The following ZMYND8 variants were observed in gnomAD, a reference collection of about 807,000 sequenced individuals.
ZMYND8 encodes zinc finger MYND-type containing 8.
Under a neutral mutation model 140.8 loss-of-function variants are expected in ZMYND8, and 37 were observed. The ratio of observed to expected loss-of-function variants is 0.26; its 90% CI spans 0.20 to 0.35. ZMYND8 has a LOEUF of 0.35. Among genes scored for constraint, ZMYND8 ranks in the 10% least tolerant of loss-of-function variants. The pLI is 1.00. For synonymous variants in ZMYND8, 592 were observed against 597.1 expected, an observed-to-expected ratio of 0.99 and a Z score of 0.12; for missense variants, 1,068 against 1,570.0, an observed-to-expected ratio of 0.68 and a Z score of 5.40.
intron 1 of ZMYND8, chr20:47,356,429 A>T (rs1420105502): frequency 6.5e-7 from 1 of 1,539,174 alleles, no homozygotes; most frequent in African/African-American, 1.4e-5. Flanking sequence ...TGGTGGAAGG[A>T]AAGGTGTGCC....
intron 11 of ZMYND8, among the ~76,000 whole-genome samples, chr20:47,273,680 T>C (rs2076092817): frequency 6.6e-6 from 1 of 152,226 alleles, no homozygotes; most frequent in African/African-American, 2.4e-5. Flanking sequence ...TTGTCCAGGC[T>C]GGAGTGCAGT....
At chr20:47,345,799 G>C (rs936492724) in intron 2 of ZMYND8, among the ~76,000 whole-genome samples, 1 of 136,996 alleles carries the variant, frequency 7.3e-6, no homozygotes, top group African/African-American at 2.7e-5. Flanking sequence ...GTGAGCCAAC[G>C]CACTCTGTCC....
chr20:47,325,449 A>G (rs1192168217), intron 2 of ZMYND8, among the ~76,000 whole-genome samples: 1 of 152,178 alleles, frequency 6.6e-6, no homozygotes, highest in African/African-American at 2.4e-5. Context: ...AGCAAACTCC[A>G]GTTTTTCTTC....
At chr20:47,272,073 A>G (rs1174941352) in intron 11 of ZMYND8, among the ~76,000 whole-genome samples, 2 of 150,158 alleles carry the variant, frequency 1.3e-5, no homozygotes, top group Non-Finnish European at 3.0e-5. Flanking sequence ...GGGGAGTAAT[A>G]TGAAACCTCT....
intron 3 of ZMYND8, among the ~76,000 whole-genome samples, chr20:47,301,719 G>A (rs1391203695): frequency 1.3e-5 from 2 of 152,002 alleles, no homozygotes; most frequent in East Asian, 3.9e-4. Flanking sequence ...GTGATCTCTT[G>A]TGATGAGTCA....
At chr20:47,219,143 C>T (rs1430178709) in intron 21 of ZMYND8, among the ~76,000 whole-genome samples, 5 of 149,472 alleles carry the variant, frequency 3.3e-5, no homozygotes, top group African/African-American at 9.8e-5. Flanking sequence ...CTGCAACCTC[C>T]ACCTCCTGGG....
At chr20:47,299,014 C>T in intron 3 of ZMYND8, 67 bp from the exon 4 acceptor site, 5 of 1,434,710 alleles carry the variant, frequency 3.5e-6, no homozygotes, top group Non-Finnish European at 3.9e-6. Context: ...GGAATTTGAA[C>T]AAGTACATCA....
At chr20:47,319,267 C>T (rs1406571979) in intron 2 of ZMYND8, 2 of 350,332 alleles carry the variant, frequency 5.7e-6, no homozygotes, top group African/African-American at 4.3e-5. Flanking sequence ...CTCGGCTGAG[C>T]TGAAAGTCTC....
rs576833928 is a variant in ZMYND8, at chr20:47,236,477, G to C, written c.2705C>G (p.Ser902Cys). 1.2e-5 allele frequency: 20 copies of C among 1,606,602 alleles called. No homozygotes were observed. The South Asian group carries it at 1.9e-4, about 15-fold the overall frequency. ...TGTGCTGGTCACCAGGGTGATGGTG[G>C]ACGTGGATGGGCTCTGTGTGATCTC... Reference protein sequence around the residue: ...QKEITQSPSTSTITLVTSTQS... With the variant: ...QKEITQSPSTCTITLVTSTQS... Residue 902 changes from serine to cysteine, a missense_variant, in exon 16 of 23, where the codon TCC becomes TGC. This residue lies in a region of ZMYND8 where 383 missense variants were observed against 431.2 expected (regional missense o/e 0.89). Transcript: ENST00000471951.
chr20:47,220,185 C>G, intron 21 of ZMYND8, 73 bp downstream of exon 21: 1 of 1,323,358 alleles, frequency 7.6e-7, no homozygotes, highest in Non-Finnish European at 1.0e-6. Context: ...TTCAAATTCT[C>G]CCTGACAAAA....
At chr20:47,239,166 C>G in intron 14 of ZMYND8, 28 bp from the exon 15 acceptor site, 3 of 1,484,580 alleles carry the variant, frequency 2.0e-6, no homozygotes, top group Non-Finnish European at 2.7e-6. Flanking sequence ...AAAAAACAAA[C>G]AAAAACCGGA....
In ZMYND8 at chr20:47,298,354, G is replaced by A. The variant is rs116160437; in HGVS notation, c.453+375C>T. 473 of 985,286 alleles carry A rather than the reference G, an allele frequency of 4.8e-4. 4 individuals are homozygous for A. The African/African-American group carries it at 7.7e-3, about 16-fold the overall frequency. The allele number at this position is 985,286 out of a possible 1,614,324, so 61.0% of individuals were successfully genotyped here. A position where few individuals can be genotyped will look rare whatever the true frequency, so the allele number is the denominator to read the frequency against. On this transcript the variant is annotated intron_variant, in intron 4 of 22. Transcript: ENST00000471951. This position sits in a 1 kb window ranked among gnomAD's most constrained non-coding sequence, Gnocchi z 5.0. Reference sequence around the variant, plus strand: ...GCTACTGCTGATGATTCAATGATGCGGCAGGCAACAACATCCAAGACGGAG... The same window carrying A: ...GCTACTGCTGATGATTCAATGATGCAGCAGGCAACAACATCCAAGACGGAG...
chr20:47,221,275 G>A, intron 20 of ZMYND8, 39 bp downstream of exon 20: 1 of 1,610,868 alleles, frequency 6.2e-7, no homozygotes, highest in Non-Finnish European at 8.5e-7. Context: ...TGGCACAAAG[G>A]GTAGATGTCA....
intron 20 of ZMYND8, 102 bp downstream of exon 20, chr20:47,221,212 C>G (rs1024688143): frequency 1.4e-6 from 2 of 1,479,016 alleles, no homozygotes; most frequent in Admixed American, 1.9e-5. Flanking sequence ...TTAGGACAAG[C>G]CTCCCACAAC....
rs543560333 is a variant in ZMYND8 at position 47,220,417 on chromosome 20, C to G, written c.3418-93G>C. On this transcript the variant is annotated intron_variant, in intron 20 of 22. Transcript: ENST00000471951. ...CAGGGAGTCATGGGGGTGCTCATCGCTGCCCCCAAAGCATCTCAGTGTCCT... is the reference window on the plus strand; with the variant it reads ...CAGGGAGTCATGGGGGTGCTCATCGGTGCCCCCAAAGCATCTCAGTGTCCT... 4 of 1,030,776 alleles carry G rather than the reference C, an allele frequency of 3.9e-6. No homozygotes were observed. The South Asian group carries it at 5.5e-5, about 14-fold the overall frequency. 63.9% of individuals were successfully genotyped at this position (1,030,776 alleles called of 1,614,324 possible). A position where few individuals can be genotyped will look rare whatever the true frequency, so the allele number is the denominator to read the frequency against.
At chr20:47,327,627 G>A (rs941905097) in intron 2 of ZMYND8, among the ~76,000 whole-genome samples, 3 of 152,046 alleles carry the variant, frequency 2.0e-5, no homozygotes, top group African/African-American at 7.2e-5. Context: ...CTGCACTTCA[G>A]CCTGCGCGGC....
At chr20:47,272,072 T>TAA (rs1195431195) in intron 11 of ZMYND8, among the ~76,000 whole-genome samples, 1 of 149,212 alleles carries the variant, frequency 6.7e-6, no homozygotes, top group African/African-American at 2.5e-5. Flanking sequence ...GGGGGAGTAA[T>TAA]ATGAAACCTC....
At chr20:47,268,074 A>T (rs1394452791) in intron 11 of ZMYND8, among the ~76,000 whole-genome samples, 1 of 152,156 alleles carries the variant, frequency 6.6e-6, no homozygotes, top group African/African-American at 2.4e-5. Flanking sequence ...TCAGGTGCAT[A>T]ATACATTCAC....
chr20:47,343,050 T>C (rs2082040857), intron 2 of ZMYND8, among the ~76,000 whole-genome samples: 1 of 151,946 alleles, frequency 6.6e-6, no homozygotes, highest in East Asian at 1.9e-4. Context: ...GAGGCCAAAG[T>C]GGTAGGATCA....
Sources: allele counts gnomAD v4.1 joint callset (sites outside exome capture counted in the v4.1 genomes callset), GRCh38; gene constraint gnomAD v4.1.1; regional missense constraint gnomAD v4.1.1; non-coding constraint Gnocchi (gnomAD v3.1); transcripts MANE v1.5; gene names NCBI Gene and HGNC (gene_info 2026-07-23, HGNC 2026-07-21).